Variants in SLC25A32 observed in about 807,000 individuals in gnomAD.
SLC25A32 encodes the protein Glycine auxotroph B, complementation of hamster.
Under a neutral mutation model 39.0 loss-of-function variants are expected in SLC25A32, and 32 were observed. The ratio of observed to expected loss-of-function variants is 0.82; its 90% CI spans 0.62 to 1.10. The LOEUF (loss-of-function observed/expected upper bound fraction) is 1.10, where lower values mean the gene tolerates loss of function less well. Ranked by LOEUF, SLC25A32 falls within the 50% of genes least tolerant of loss-of-function variation. The pLI is 0.00. For missense variants in SLC25A32, 367 were observed against 395.3 expected (o/e 0.93, Z 0.61); for synonymous variants, 166 against 152.4 (o/e 1.09, Z -0.66).
rs1816196844 is a variant in SLC25A32, at chr8:103,400,555, G to A, written c.813-9C>T. 1.2e-6 allele frequency: 2 copies of A among 1,612,010 alleles called. No individual in the cohort carries two copies. The highest frequency in any genetic ancestry group is 1.7e-6 in the Non-Finnish European group (2 of 1,179,446). ...CACCGACGCCTTCTTTCCTTTAGAG[G>A]GAAAAATAGATAATGCTTAATTTTG... is the stretch of plus-strand genomic sequence containing the variant. On this transcript the variant is annotated splice_polypyrimidine_tract_variant and intron_variant, in intron 6 of 6. Transcript: ENST00000297578.
intron 1 of SLC25A32, among the ~76,000 whole-genome samples, chr8:103,411,303 T>A (rs1384808097): frequency 2.6e-5 from 4 of 152,176 alleles, no homozygotes; most frequent in African/African-American, 9.7e-5. Flanking sequence ...TGATTTCAGT[T>A]CTTTCCCATT....
rs1563722144 is a variant in SLC25A32 at position 103,414,999 on chromosome 8, G to A, written c.-62C>T. 1.3e-6 allele frequency: 2 copies of A among 1,583,882 alleles called. No homozygotes were observed. The highest frequency in any genetic ancestry group is 2.3e-5 in the East Asian group (1 of 43,452). On this transcript the variant is annotated 5_prime_UTR_variant, in exon 1 of 7. Coordinates refer to ENST00000297578, the MANE Select transcript of SLC25A32 (RefSeq NM_030780.5). ...CGCGGAGGTGGGACGCGATGCAGTG[G>A]CCGCCACCGTGGCGACGGTCGCCCC...
At chr8:103,401,278 T>A (rs144032654) in intron 6 of SLC25A32, among the ~76,000 whole-genome samples, 105 of 151,348 alleles carry the variant, frequency 6.9e-4, no homozygotes, top group African/African-American at 2.3e-3. Context: ...TTTCACACAT[T>A]TAATTTGATT....
At chr8:103,403,715 T>C (rs1816268762) in intron 3 of SLC25A32, among the ~76,000 whole-genome samples, 1 of 152,152 alleles carries the variant, frequency 6.6e-6, no homozygotes, top group Admixed American at 6.5e-5. Flanking sequence ...GGGTTGAAGA[T>C]AGGCGAAAAG....
intron 6 of SLC25A32, 45 bp from the exon 7 acceptor site, chr8:103,400,591 G>A (rs373825246): frequency 2.0e-5 from 32 of 1,600,414 alleles, no homozygotes; most frequent in Non-Finnish European, 2.6e-5. Flanking sequence ...TATAGAGCTA[G>A]CTTGAAAACA....
In SLC25A32 at chr8:103,401,499, A is replaced by G; in HGVS notation, c.812+17T>C. On this transcript the variant is annotated intron_variant, in intron 6 of 6. Coordinates refer to ENST00000297578, the MANE Select transcript of SLC25A32 (RefSeq NM_030780.5). The stretch of plus-strand genomic sequence containing the variant: ...GTACCTTGTCAAAGCAATTTTTGAT[A>G]TAGCACGTGCTCTCACCTCCATGTC... 6.2e-7 allele frequency: 1 copy of G among 1,604,862 alleles called. No individual in the cohort carries two copies. The highest frequency in any genetic ancestry group is 8.5e-7 in the Non-Finnish European group (1 of 1,176,040).
At chr8:103,412,408 G>T (rs1319225702) in intron 1 of SLC25A32, among the ~76,000 whole-genome samples, 1 of 152,130 alleles carries the variant, frequency 6.6e-6, no homozygotes, top group African/African-American at 2.4e-5. Context: ...ATTCTTGAGG[G>T]TTTAAAATTA....
Position 103,414,373 on chromosome 8 carries a change from T to TTACG in SLC25A32, c.154+407_154+410dup, listed in dbSNP as rs1305906241. 4.6e-5 allele frequency among the ~76,000 whole-genome samples: 7 copies of TTACG among 152,332 alleles called. No homozygotes were observed. The East Asian group carries it at 1.2e-3, about 25-fold the overall frequency. ...TCTACTCCCAACCATTCGCTGAAGA[T>TTACG]TACGCCCTATCCCAATACTAGTCGA... On this transcript the variant is annotated intron_variant, in intron 1 of 6. Coordinates refer to ENST00000297578, the MANE Select transcript of SLC25A32 (RefSeq NM_030780.5).
rs1816189787 is a variant in SLC25A32, at chr8:103,400,315, A to T, written c.*96T>A. 2.9e-6 allele frequency: 4 copies of T among 1,402,062 alleles called. No individual in the cohort carries two copies. In the Admixed American group the frequency reaches 6.0e-5, roughly 21 times the overall value. The allele number at this position is 1,402,062 out of a possible 1,614,324, so 86.9% of individuals were successfully genotyped here. ...TGACTATAGAGCAATTTCGAATATG[A>T]GCCATGTTTCTATGCAGAATTCTTC... is the stretch of plus-strand genomic sequence containing the variant. On this transcript the variant is annotated 3_prime_UTR_variant, in exon 7 of 7. Coordinates refer to ENST00000297578, the MANE Select transcript of SLC25A32 (RefSeq NM_030780.5).
chr8:103,410,409 T>C (rs773479934), intron 1 of SLC25A32, among the ~76,000 whole-genome samples: 2 of 152,140 alleles, frequency 1.3e-5, no homozygotes, highest in Non-Finnish European at 2.9e-5. Context: ...GAACTCTGCC[T>C]CCTGTCCGAT....
chr8:103,414,957 A>C lies in SLC25A32; in HGVS notation c.-20T>G. 1 of 1,591,836 alleles carries C rather than the reference A, an allele frequency of 6.3e-7. No homozygotes were observed. On this transcript the variant is annotated 5_prime_UTR_variant, in exon 1 of 7. Transcript: ENST00000297578. ...CGTCATAGGCTCGGGGCCCGTCGAC[A>C]CCACGGCGCCCAGGGCCGCGGAGGT...
intron 1 of SLC25A32, among the ~76,000 whole-genome samples, chr8:103,410,268 C>T (rs1385423728): frequency 6.6e-6 from 1 of 152,004 alleles, no homozygotes; most frequent in Non-Finnish European, 1.5e-5. Flanking sequence ...ATCAGGGGTC[C>T]CCAACTCCGG....
rs966134340 is a variant in SLC25A32 at position 103,411,790 on chromosome 8, T to C, written c.154+2994A>G. Among the ~76,000 whole-genome samples, 11 of 152,322 alleles carry C rather than the reference T, an allele frequency of 7.2e-5. No individual in the cohort carries two copies. The East Asian group carries it at 1.5e-3, about 21-fold the overall frequency. On this transcript the variant is annotated intron_variant, in intron 1 of 6. Transcript: ENST00000297578. ...TCTTATTCCTAACATCCTGCCCTAC[T>C]AAGGGTTGTGGTTCTACTGCCAGTT...
At chr8:103,410,628 G>C (rs1816445353) in intron 1 of SLC25A32, among the ~76,000 whole-genome samples, 1 of 152,000 alleles carries the variant, frequency 6.6e-6, no homozygotes. Context: ...AAAAGGTTAG[G>C]GACCACTGGC....
chr8:103,403,663 C>T (rs1201454701), intron 3 of SLC25A32, among the ~76,000 whole-genome samples: 1 of 152,088 alleles, frequency 6.6e-6, no homozygotes, highest in Non-Finnish European at 1.5e-5. Context: ...AGATGGTAAG[C>T]AGATACAGAC....
At chr8:103,407,822 G>C in intron 1 of SLC25A32, 38 bp from the exon 2 acceptor site, 1 of 1,584,270 alleles carries the variant, frequency 6.3e-7, no homozygotes, top group Non-Finnish European at 8.6e-7. Flanking sequence ...TAAGAACAAA[G>C]TTCTAGCTCT....
At position 103,404,511 on chromosome 8, in the gene SLC25A32, C is replaced by A. The variant is rs1816284353; in HGVS notation, c.391+265G>T. 2.0e-5 allele frequency among the ~76,000 whole-genome samples: 3 copies of A among 152,116 alleles called. 1 individual carries two copies. The South Asian group carries it at 6.2e-4, about 32-fold the overall frequency. On this transcript the variant is annotated intron_variant, in intron 3 of 6. Coordinates refer to ENST00000297578, the MANE Select transcript of SLC25A32 (RefSeq NM_030780.5). ...TCAGGAGGCTGAGGCAGGATTATCG[C>A]TTGAAACCCGAAGGCAGAGGTTGCA...
chr8:103,402,001 T>G lies in SLC25A32; in HGVS notation c.606A>C (p.Ala202=). Residue 202 remains alanine (A), a synonymous_variant, in exon 5 of 7, where the codon GCA becomes GCC. Transcript: ENST00000297578. ...TGTACTTCAACTTCAGCAATTCATA[T>G]GCCATAAACTGAAGGGCACCATGCG... is the stretch of plus-strand genomic sequence containing the variant. The part of the protein sequence containing the change: ...GTSHGALQFM[A]YELLKLKYNQ... 6.2e-7 allele frequency: 1 copy of G among 1,613,434 alleles called. No homozygotes were observed. Among genetic ancestry groups the G allele is most frequent in the Non-Finnish European group, 8.5e-7 (1 of 1,179,626 alleles).
chr8:103,403,293 T>C lies in SLC25A32; in HGVS notation c.423A>G (p.Leu141=), dbSNP rs1816258939. The change falls in exon 4 of 7, where the codon TTA becomes TTG. Residue 141 remains leucine (L), a synonymous_variant. Transcript: ENST00000297578. ...ACATAAGGCGAGTTTTTGTTACCCA[T>C]AATGGGTTTGTAATGCAGAGGGTCA... The part of the protein sequence containing the change: ...GAMTLCITNP[L]WVTKTRLMLQ... 1.2e-6 allele frequency: 2 copies of C among 1,611,846 alleles called. No individual in the cohort carries two copies. Among genetic ancestry groups the C allele is most frequent in the Non-Finnish European group, 1.7e-6 (2 of 1,179,182 alleles).
Sources: allele counts gnomAD v4.1 joint callset (sites outside exome capture counted in the v4.1 genomes callset), GRCh38; gene constraint gnomAD v4.1.1; transcripts MANE v1.5; gene names NCBI Gene and HGNC (gene_info 2026-07-23, HGNC 2026-07-21).